MAP3K5: variants seen among roughly 807,000 people sequenced by gnomAD.
MAP3K5 encodes ASK-1.
MAP3K5 carries 56 observed loss-of-function variants against 158.7 expected under a neutral mutation model. That is an observed-to-expected ratio of 0.35 (90% CI 0.28 to 0.44). MAP3K5 has a LOEUF of 0.44. MAP3K5 is among the 20% of genes least tolerant of loss of function. The pLI is 1.00. For missense variants in MAP3K5, 1,294 were observed against 1,674.8 expected, an observed-to-expected ratio of 0.77 and a Z score of 3.97; for synonymous variants, 579 against 601.7, an observed-to-expected ratio of 0.96 and a Z score of 0.55.
chr6:136,730,767 T>C (rs1782191673), intron 1 of MAP3K5, among the ~76,000 whole-genome samples: 1 of 148,028 alleles, frequency 6.8e-6, no homozygotes, highest in African/African-American at 2.5e-5. Context: ...GGGTGACCAC[T>C]GAAACAGTGA....
At chr6:136,653,319 C>A (rs1471349308) in intron 10 of MAP3K5, among the ~76,000 whole-genome samples, 1 of 152,096 alleles carries the variant, frequency 6.6e-6, no homozygotes, top group Non-Finnish European at 1.5e-5. Flanking sequence ...ACAGTTAATT[C>A]TTGGAGAAAT....
intron 18 of MAP3K5, among the ~76,000 whole-genome samples, chr6:136,607,264 G>A (rs58852637): frequency 0.026 from 3,991 of 152,212 alleles, 135 homozygotes; most frequent in East Asian, 0.081. Context: ...ATAGCTAAGT[G>A]GGAGTTATAG....
intron 1 of MAP3K5, among the ~76,000 whole-genome samples, chr6:136,771,808 C>T (rs190003111): frequency 6.6e-6 from 1 of 152,350 alleles, no homozygotes; most frequent in African/African-American, 2.4e-5. Flanking sequence ...TCTATCTCAA[C>T]AACCCGATAT....
intron 14 of MAP3K5, among the ~76,000 whole-genome samples, chr6:136,635,440 T>C (rs1228922311): frequency 6.6e-6 from 1 of 152,200 alleles, no homozygotes; most frequent in East Asian, 1.9e-4. Flanking sequence ...ATTACTTCTA[T>C]AGACAGCAAG....
chr6:136,601,065 C>T (rs1237858068), intron 20 of MAP3K5, 23 bp from the exon 21 acceptor site: 3 of 1,613,186 alleles, frequency 1.9e-6, no homozygotes, highest in African/African-American at 1.3e-5. Flanking sequence ...AAGCAAACAG[C>T]CATGAATAAG....
At chr6:136,586,093 T>C (rs1018526110) in intron 23 of MAP3K5, among the ~76,000 whole-genome samples, 10 of 152,234 alleles carry the variant, frequency 6.6e-5, no homozygotes. Context: ...TAAGATTATA[T>C]TGAAAAGCTT....
At chr6:136,683,518 A>AGTCCTACTTCTGAACTTC (rs1198843299) in intron 7 of MAP3K5, among the ~76,000 whole-genome samples, 2 of 152,358 alleles carry the variant, frequency 1.3e-5, no homozygotes, top group East Asian at 3.9e-4. Context: ...CACTTGAGCC[A>AGTCCTACTTCTGAACTTC]GTCCTACTTC....
intron 2 of MAP3K5, among the ~76,000 whole-genome samples, chr6:136,720,198 A>G (rs374557100): frequency 6.6e-6 from 1 of 152,132 alleles, no homozygotes; most frequent in Non-Finnish European, 1.5e-5. Context: ...ATGACTTCCT[A>G]TTAACACAGT....
chr6:136,725,896 C>T (rs759869015), intron 1 of MAP3K5, among the ~76,000 whole-genome samples: 8 of 152,166 alleles, frequency 5.3e-5, no homozygotes, highest in Non-Finnish European at 1.0e-4. Context: ...GGTCAAGATT[C>T]ATATTTGCTG....
intron 21 of MAP3K5, among the ~76,000 whole-genome samples, chr6:136,592,994 C>T (rs1048968280): frequency 5.9e-5 from 9 of 152,070 alleles, no homozygotes; most frequent in Non-Finnish European, 1.0e-4. Context: ...AATCTTTAAG[C>T]CTGTTCTTCA....
intron 1 of MAP3K5, among the ~76,000 whole-genome samples, chr6:136,728,254 G>A (rs1782060856): frequency 6.6e-6 from 1 of 152,148 alleles, no homozygotes; most frequent in South Asian, 2.1e-4. Context: ...TAAGGTATCT[G>A]TTAGTTAAAT....
intron 1 of MAP3K5, among the ~76,000 whole-genome samples, chr6:136,790,703 CA>C (rs929733484): frequency 1.3e-5 from 2 of 152,286 alleles, no homozygotes; most frequent in Non-Finnish European, 2.9e-5. Flanking sequence ...TATGTGATCA[CA>C]AATGCAAGAA....
At chr6:136,756,524 C>T (rs1479332383) in intron 1 of MAP3K5, among the ~76,000 whole-genome samples, 1 of 152,060 alleles carries the variant, frequency 6.6e-6, no homozygotes, top group East Asian at 1.9e-4. Flanking sequence ...TCTCGGCTCA[C>T]TGCAACCTCC....
intron 7 of MAP3K5, among the ~76,000 whole-genome samples, chr6:136,675,944 G>T (rs1779685541): frequency 1.3e-5 from 2 of 152,242 alleles, no homozygotes; most frequent in East Asian, 3.9e-4. Context: ...AGATGATAGA[G>T]CATTAAAAGC....
intron 1 of MAP3K5, among the ~76,000 whole-genome samples, chr6:136,754,164 T>G (rs531164797): frequency 7.0e-4 from 106 of 151,870 alleles, no homozygotes; most frequent in African/African-American, 2.4e-3. Flanking sequence ...TCCCAGCTAT[T>G]CAGGAGGCTA....
At chr6:136,644,359 A>C (rs543087803) in intron 11 of MAP3K5, among the ~76,000 whole-genome samples, 36 of 152,328 alleles carry the variant, frequency 2.4e-4, no homozygotes, top group Admixed American at 2.1e-3. Flanking sequence ...TGTAAAGCCA[A>C]CAGGTAGTTT....
chr6:136,737,746 C>G (rs901553753), intron 1 of MAP3K5, among the ~76,000 whole-genome samples: 5 of 152,218 alleles, frequency 3.3e-5, no homozygotes, highest in Admixed American at 6.5e-5. Flanking sequence ...TCAGCATCAG[C>G]CCTTCATGGG....
At chr6:136,706,905 T>C (rs1340615699) in intron 2 of MAP3K5, among the ~76,000 whole-genome samples, 4 of 152,216 alleles carry the variant, frequency 2.6e-5, no homozygotes, top group Non-Finnish European at 5.9e-5. Context: ...CTCAGCGCTT[T>C]GGGAGGCTAA....
chr6:136,661,391 A>G (rs1778998853), intron 8 of MAP3K5, among the ~76,000 whole-genome samples: 1 of 152,108 alleles, frequency 6.6e-6, no homozygotes, highest in Non-Finnish European at 1.5e-5. Context: ...CTATCTGGAT[A>G]TAATTTTGTT....
Sources: gnomAD v4.1 joint callset for allele counts (sites outside exome capture counted in the v4.1 genomes callset) on GRCh38, gnomAD v4.1.1 for gene constraint, MANE v1.5 for transcripts, NCBI Gene and HGNC (gene_info 2026-07-23, HGNC 2026-07-21) for gene names.